GRB14: variants seen among roughly 807,000 people sequenced by gnomAD.
GRB14 encodes growth factor receptor-bound protein 14.
In GRB14, 38 loss-of-function variants were observed where a neutral mutation model predicts 69.1. That is an observed-to-expected ratio of 0.55 (90% CI 0.42 to 0.72). The LOEUF (loss-of-function observed/expected upper bound fraction) is 0.72, where lower values mean the gene tolerates loss of function less well. GRB14 is among the 30% of genes least tolerant of loss of function. GRB14 has a pLI of 0.00. For missense variants in GRB14, 666 were observed against 666.1 expected (o/e 1.00, Z 0.00); for synonymous variants, 247 against 241.3 (o/e 1.02, Z -0.22).
intron 2 of GRB14, chr2:164,568,202 G>T: frequency 4.5e-6 from 2 of 445,100 alleles, no homozygotes; most frequent in East Asian, 7.7e-5. Flanking sequence ...TGAATTATAG[G>T]CTCTTTCAAG....
chr2:164,520,173 C>T (rs1025709370), intron 6 of GRB14, among the ~76,000 whole-genome samples: 11 of 151,894 alleles, frequency 7.2e-5, no homozygotes, highest in Non-Finnish European at 1.3e-4. Context: ...GGCACATAGA[C>T]GAATGGAACA....
In GRB14 at chr2:164,494,450, T is replaced by C; in HGVS notation, c.1457A>G (p.Lys486Arg). Residue 486 changes from lysine to arginine, a missense_variant, in exon 13 of 14, where the codon AAG (lysine) becomes AGG (arginine). Lys to Arg is a conservative substitution (Grantham distance 26). Coordinates refer to ENST00000263915, the MANE Select transcript of GRB14 (RefSeq NM_004490.3). ...ACTTACTGGTATAATTTGAAAGTGC[T>C]TTATTTTTTGTCCATGACTCATTGA... ...VLSMSHGQKI[K>R]HFQIIPVEDD... The C allele has an allele frequency of 1.3e-6, 2 of 1,589,348 alleles. No individual in the cohort carries two copies. Among genetic ancestry groups the C allele is most frequent in the South Asian group, 1.1e-5 (1 of 90,532 alleles).
chr2:164,523,364 G>A (rs1449570369), intron 5 of GRB14, among the ~76,000 whole-genome samples: 7 of 151,880 alleles, frequency 4.6e-5, no homozygotes, highest in East Asian at 1.9e-4. Flanking sequence ...TCAACTGAGC[G>A]TTTGTGCTCA....
At chr2:164,560,789 A>G (rs1263151437) in intron 2 of GRB14, among the ~76,000 whole-genome samples, 1 of 152,190 alleles carries the variant, frequency 6.6e-6, no homozygotes, top group Non-Finnish European at 1.5e-5. Context: ...GCCTGAATGT[A>G]TACGTTCAAA....
chr2:164,515,302 A>AGG, intron 6 of GRB14, among the ~76,000 whole-genome samples: 2 of 152,300 alleles, frequency 1.3e-5, no homozygotes, highest in Middle Eastern at 6.8e-3. Context: ...ACCCTCACAG[A>AGG]GTCCACTTCA....
chr2:164,593,919 G>A (rs1288855965), intron 2 of GRB14, among the ~76,000 whole-genome samples: 2 of 152,064 alleles, frequency 1.3e-5, no homozygotes, highest in African/African-American at 2.4e-5. Flanking sequence ...GAACAACAAA[G>A]CAATTATTAA....
At chr2:164,517,386 T>C (rs1255505002) in intron 6 of GRB14, among the ~76,000 whole-genome samples, 1 of 151,912 alleles carries the variant, frequency 6.6e-6, no homozygotes, top group Non-Finnish European at 1.5e-5. Context: ...CATATCACCA[T>C]CTTACAAAAA....
intron 2 of GRB14, among the ~76,000 whole-genome samples, chr2:164,580,463 G>A (rs954930119): frequency 6.6e-6 from 1 of 151,098 alleles, no homozygotes; most frequent in African/African-American, 2.4e-5. Flanking sequence ...CCAGCACTTT[G>A]GGAGGCCAAG....
rs35918859 is a variant in GRB14, at chr2:164,570,275, T to TAAAAAA, written c.325-22465_325-22460dup. Among the ~76,000 whole-genome samples the TAAAAAA allele has an allele frequency of 1.6e-3, 93 of 57,228 alleles. 1 individual carries two copies. The highest frequency in any genetic ancestry group is 6.3e-3 in the African/African-American group (93 of 14,844). 37.5% of individuals were successfully genotyped at this position (57,228 alleles called of 152,430 possible). A position where few individuals can be genotyped will look rare whatever the true frequency, so the allele number is the denominator to read the frequency against. On this transcript the variant is annotated intron_variant, in intron 2 of 13. Transcript: ENST00000263915. ...CTGGGTGACAGAGCAAGACTCCATC[T>TAAAAAA]AAAAAAAAAAAAAAAAAAAAAAAAA...
intron 2 of GRB14, among the ~76,000 whole-genome samples, chr2:164,579,501 G>GCGCGCACGCGCACACA (rs71393628): frequency 6.9e-6 from 1 of 145,010 alleles, no homozygotes; most frequent in Non-Finnish European, 1.5e-5. Context: ...GGGCACACTT[G>GCGCGCACGCGCACACA]CACACACACA....
At chr2:164,550,025 T>G (rs562222537) in intron 2 of GRB14, among the ~76,000 whole-genome samples, 1 of 152,086 alleles carries the variant, frequency 6.6e-6, no homozygotes, top group Non-Finnish European at 1.5e-5. Flanking sequence ...AAGGAGGGAA[T>G]AGAATCAGAC....
chr2:164,494,431 T>A lies in GRB14; in HGVS notation c.1476A>T (p.Pro492=), dbSNP rs200139965. ...GQKIKHFQII[P]VEDDGEMFHT... is the part of the protein sequence containing the mutation. ...AAATGTGAAATCACGAATTACTTAC[T>A]GGTATAATTTGAAAGTGCTTTATTT... Residue 492 remains proline (P), a splice_region_variant and synonymous_variant, in exon 13 of 14, where the codon CCA becomes CCT. Coordinates refer to ENST00000263915, the MANE Select transcript of GRB14 (RefSeq NM_004490.3). The A allele has an allele frequency of 6.7e-6, 10 of 1,498,524 alleles. No homozygotes were observed. The highest frequency in any genetic ancestry group is 1.9e-6 in the Non-Finnish European group (2 of 1,075,068). The allele number at this position is 1,498,524 out of a possible 1,614,324, so 92.8% of individuals were successfully genotyped here.
intron 2 of GRB14, among the ~76,000 whole-genome samples, chr2:164,609,250 G>A (rs913056519): frequency 1.3e-5 from 2 of 152,164 alleles, no homozygotes; most frequent in African/African-American, 4.8e-5. Flanking sequence ...GCTAAAGAAA[G>A]CTGCCATGCC....
chr2:164,526,160 A>G (rs1687769031), intron 4 of GRB14, among the ~76,000 whole-genome samples: 1 of 152,100 alleles, frequency 6.6e-6, no homozygotes, highest in Non-Finnish European at 1.5e-5. Context: ...TTATGTTTCT[A>G]TTAATAGGTT....
intron 2 of GRB14, among the ~76,000 whole-genome samples, chr2:164,549,381 T>C (rs1288815040): frequency 1.3e-5 from 2 of 152,210 alleles, no homozygotes; most frequent in African/African-American, 4.8e-5. Context: ...TAATTCCTTA[T>C]ACAGTGTCTT....
rs190028257 is a variant in GRB14 at position 164,547,473 on chromosome 2, G to T, written c.481+187C>A. 1.5e-4 allele frequency among the ~76,000 whole-genome samples: 23 copies of T among 152,090 alleles called. No individual in the cohort carries two copies. The East Asian group carries it at 3.9e-3, about 26-fold the overall frequency. On this transcript the variant is annotated intron_variant, in intron 3 of 13. Transcript: ENST00000263915. ...GGATCAAGCAGAGGAAAACATCAAT[G>T]AGTTGGCTATCTGAAAATACATGAT...
intron 2 of GRB14, among the ~76,000 whole-genome samples, chr2:164,616,705 C>A (rs1690307267): frequency 6.6e-6 from 1 of 152,106 alleles, no homozygotes; most frequent in Non-Finnish European, 1.5e-5. Context: ...TGGATTCTCT[C>A]AAATTTTCTG....
intron 6 of GRB14, among the ~76,000 whole-genome samples, chr2:164,519,290 C>T (rs1157984988): frequency 3.3e-5 from 5 of 150,818 alleles, no homozygotes; most frequent in South Asian, 2.1e-4. Flanking sequence ...ATCTCAATAG[C>T]GTTAGTCAAA....
At chr2:164,522,154 A>T (rs1687651066) in intron 5 of GRB14, 37 bp from the exon 6 acceptor site, 1 of 1,193,394 alleles carries the variant, frequency 8.4e-7, no homozygotes. Context: ...ACTATGATTA[A>T]ATCAATGATA....
Sources: allele counts gnomAD v4.1 joint callset (sites outside exome capture counted in the v4.1 genomes callset), GRCh38; gene constraint gnomAD v4.1.1; transcripts MANE v1.5; gene names NCBI Gene and HGNC (gene_info 2026-07-23, HGNC 2026-07-21).